Variants in ZBBX observed in about 807,000 individuals in gnomAD.
The protein encoded by ZBBX is zinc finger B-box domain containing, also known as zinc finger B-box domain-containing protein 1.
In ZBBX, 101 loss-of-function variants were observed where a neutral mutation model predicts 108.5. The ratio of observed to expected loss-of-function variants is 0.93; its 90% CI spans 0.79 to 1.10. ZBBX has a LOEUF of 1.10. ZBBX is among the 50% of genes least tolerant of loss of function. The pLI, the probability that ZBBX is intolerant of heterozygous loss-of-function variation, is 0.00. For synonymous variants in ZBBX, 356 were observed against 323.4 expected (o/e 1.10, Z -1.08); for missense variants, 1,009 against 941.4 (o/e 1.07, Z -0.94).
chr3:167,394,084 CTATT>C (rs1441628691), intron 1 of ZBBX, among the ~76,000 whole-genome samples: 1 of 151,824 alleles, frequency 6.6e-6, no homozygotes, highest in African/African-American at 2.4e-5. Context: ...AATTCTTTCT[CTATT>C]TATATAACTA....
intron 8 of ZBBX, 97 bp from the exon 9 acceptor site, chr3:167,350,612 TTCTC>T: frequency 2.4e-6 from 2 of 846,468 alleles, no homozygotes; most frequent in Non-Finnish European, 3.4e-6. Context: ...TAATATTTAT[TTCTC>T]TAATTAAATA....
At chr3:167,330,872 A>AG (rs1738406218) in intron 10 of ZBBX, among the ~76,000 whole-genome samples, 2 of 88,012 alleles carry the variant, frequency 2.3e-5, no homozygotes, top group Non-Finnish European at 4.4e-5. Flanking sequence ...GAGGAGGAGG[A>AG]GAAGAAGAAG....
chr3:167,303,342 T>A (rs1288692942), intron 17 of ZBBX, among the ~76,000 whole-genome samples: 1 of 152,188 alleles, frequency 6.6e-6, no homozygotes, highest in Non-Finnish European at 1.5e-5. Context: ...TTAGTACTTT[T>A]AACTCTAATC....
At chr3:167,180,919 T>C in the ZBBX span, among the ~76,000 whole-genome samples, 3 of 152,176 alleles carry the variant, frequency 2.0e-5, no homozygotes, top group Non-Finnish European at 4.4e-5. Context: ...CATTCCCCAT[T>C]TACCTGATTT....
intron 16 of ZBBX, among the ~76,000 whole-genome samples, chr3:167,309,096 T>C (rs1294732101): frequency 6.6e-6 from 1 of 152,202 alleles, no homozygotes; most frequent in African/African-American, 2.4e-5. Context: ...AACTCATCTT[T>C]TAATTTGCAT....
At chr3:167,288,829 C>A in intron 19 of ZBBX, 38 bp downstream of exon 19, 1 of 1,423,120 alleles carries the variant, frequency 7.0e-7, no homozygotes, top group Non-Finnish European at 9.5e-7. Context: ...AGGAAGTAAG[C>A]TGCCAACATG....
chr3:167,261,775 CAAAAAAA>C (rs60045904), intron 20 of ZBBX, among the ~76,000 whole-genome samples: 1 of 96,256 alleles, frequency 1.0e-5, no homozygotes, highest in Non-Finnish European at 2.0e-5. Context: ...CTCCCAACTG[CAAAAAAA>C]AAAAAAAAAA....
intron 9 of ZBBX, among the ~76,000 whole-genome samples, chr3:167,347,194 AC>A (rs1741620229): frequency 1.3e-5 from 2 of 151,972 alleles, no homozygotes; most frequent in African/African-American, 4.8e-5. Flanking sequence ...CTTTCAAAAA[AC>A]ATCTATCTAA....
In ZBBX at chr3:167,350,510, G is replaced by A. The variant is rs200738152; in HGVS notation, c.438C>T (p.Cys146=). ...AACAATAATCTTCTCCACATTCAAG[G>A]CATACCTAAAAAGATATTTTTTAAA... The part of the protein sequence containing the change: ...QCENKAALLV[C]LECGEDYCSG... The change falls in exon 9 of 22, where the codon TGC becomes TGT. Residue 146 remains cysteine, a synonymous_variant. Transcript: ENST00000675490. 740 of 1,569,992 alleles carry A rather than the reference G, an allele frequency of 4.7e-4. No homozygotes were observed. Among genetic ancestry groups the A allele is most frequent in the Admixed American group, 8.6e-4 (49 of 57,164 alleles).
intron 14 of ZBBX, 51 bp downstream of exon 14, chr3:167,316,954 T>C (rs1214951754): frequency 1.8e-6 from 2 of 1,084,460 alleles, no homozygotes; most frequent in African/African-American, 1.6e-5. Context: ...GTATACATTA[T>C]GAATTCCCTG....
intron 16 of ZBBX, among the ~76,000 whole-genome samples, chr3:167,308,298 T>TA (rs1165877654): frequency 2.0e-5 from 3 of 151,622 alleles, no homozygotes; most frequent in African/African-American, 4.8e-5. Context: ...TATTAAAAAG[T>TA]AAAAAAAATA....
chr3:167,268,356 C>T (rs761752243), intron 20 of ZBBX, among the ~76,000 whole-genome samples: 53 of 151,966 alleles, frequency 3.5e-4, no homozygotes, highest in Non-Finnish European at 6.3e-4. Context: ...ATCAGTAGGG[C>T]TGCTATGGTA....
chr3:167,184,025 G>A, the ZBBX span, among the ~76,000 whole-genome samples: 1,027 of 152,198 alleles, frequency 6.7e-3, 12 homozygotes, highest in African/African-American at 0.023. Flanking sequence ...AATGAATGAT[G>A]AGTTCAGAAA....
chr3:167,367,533 A>G (rs1745501196), intron 5 of ZBBX, among the ~76,000 whole-genome samples: 1 of 151,718 alleles, frequency 6.6e-6, no homozygotes, highest in African/African-American at 2.4e-5. Flanking sequence ...AAGATATATT[A>G]AGTAAAATAG....
Position 167,288,895 on chromosome 3 carries a change from T to C in ZBBX, c.1968A>G (p.Pro656=), listed in dbSNP as rs1180994949. The C allele has an allele frequency of 1.3e-6, 2 of 1,536,518 alleles. No homozygotes were observed. The highest frequency in any genetic ancestry group is 4.9e-5 in the East Asian group (2 of 40,760). ...TCTTTTGCTGTTTTCTACTTGATGATGGACTCTGAGCACCCTGCAGAACAC... is the reference window on the plus strand; with the variant it reads ...TCTTTTGCTGTTTTCTACTTGATGACGGACTCTGAGCACCCTGCAGAACAC... ...VLGVLQGAQS[P]SSSRKQQKMG... Residue 656 remains proline, a synonymous_variant, in exon 19 of 22, where the codon CCA becomes CCG. Coordinates refer to ENST00000675490, the MANE Select transcript of ZBBX (RefSeq NM_001199201.2).
At position 167,240,078 on chromosome 3, in the gene ZBBX, C is replaced by A. The variant is rs116118716; in HGVS notation, c.*715G>T. Among the ~76,000 whole-genome samples, 199 of 152,230 alleles carry A rather than the reference C, an allele frequency of 1.3e-3. No individual in the cohort carries two copies. Among genetic ancestry groups the A allele is most frequent in the African/African-American group, 4.5e-3 (189 of 41,558 alleles). ...CCCCCATGATTCAATTACTTCCCAC[C>A]AGGTCCCTCCCAGGACACCTGGAGA... On this transcript the variant is annotated 3_prime_UTR_variant, in exon 22 of 22. Transcript: ENST00000675490.
At chr3:167,282,606 G>C (rs959122148) in intron 19 of ZBBX, 111 bp from the exon 20 acceptor site, 4 of 919,984 alleles carry the variant, frequency 4.3e-6, no homozygotes, top group Admixed American at 2.7e-5. Context: ...TCATGTAACA[G>C]AGTTTATGAA....
chr3:167,217,849 A>G, the ZBBX span, among the ~76,000 whole-genome samples: 1 of 152,018 alleles, frequency 6.6e-6, no homozygotes, highest in Non-Finnish European at 1.5e-5. Context: ...TCTTTAACAA[A>G]CTAATGCAGG....
chr3:167,234,966 A>C (rs1396220798), downstream of ZBBX, among the ~76,000 whole-genome samples: 1 of 151,776 alleles, frequency 6.6e-6, no homozygotes, highest in African/African-American at 2.4e-5. Context: ...ACGGCTAAAA[A>C]ATAACCAACA....
Sources: gnomAD v4.1 joint callset for allele counts (sites outside exome capture counted in the v4.1 genomes callset) on GRCh38, gnomAD v4.1.1 for gene constraint, MANE v1.5 for transcripts, NCBI Gene and HGNC (gene_info 2026-07-23, HGNC 2026-07-21) for gene names.